Variants in MYOCD observed in about 807,000 individuals in gnomAD.
MYOCD encodes myocardin.
Under a neutral mutation model 96.1 loss-of-function variants are expected in MYOCD, and 32 were observed. The observed-to-expected ratio is 0.33, with a 90% CI of 0.25 to 0.45. The LOEUF is 0.45. Among genes scored for constraint, MYOCD ranks in the 20% least tolerant of loss-of-function variants. The pLI is 1.00. For missense variants in MYOCD, 1,133 were observed against 1,200.6 expected, an observed-to-expected ratio of 0.94 and a Z score of 0.83; for synonymous variants, 469 against 469.0, an observed-to-expected ratio of 1.00 and a Z score of 0.00.
intron 13 of MYOCD, chr17:12,762,353 A>C (rs933518803): frequency 5.2e-5 from 8 of 152,500 alleles, no homozygotes; most frequent in Admixed American, 3.3e-4. Context: ...CAAGGTACAT[A>C]ATAAGTGGCT....
intron 1 of MYOCD, among the ~76,000 whole-genome samples, chr17:12,691,925 T>C (rs1329087618): frequency 6.6e-6 from 1 of 152,244 alleles, no homozygotes; most frequent in Non-Finnish European, 1.5e-5. Context: ...ATGATTTATG[T>C]AAAACACTTC....
At chr17:12,676,350 C>T (rs1386230081) in intron 1 of MYOCD, among the ~76,000 whole-genome samples, 1 of 151,240 alleles carries the variant, frequency 6.6e-6, no homozygotes, top group African/African-American at 2.4e-5. Context: ...AGTTAAAAAA[C>T]TTTAATCCCA....
At chr17:12,672,422 A>G (rs2150628287) in intron 1 of MYOCD, among the ~76,000 whole-genome samples, 1 of 150,948 alleles carries the variant, frequency 6.6e-6, no homozygotes, top group East Asian at 2.0e-4. Context: ...GATAATGCTT[A>G]TATGTTTCAG....
chr17:12,698,943 C>T (rs1184554465), intron 1 of MYOCD, among the ~76,000 whole-genome samples: 4 of 151,460 alleles, frequency 2.6e-5, no homozygotes, highest in Admixed American at 1.3e-4. Context: ...GGGGTTTCAC[C>T]GTGTTAGCCA....
chr17:12,758,333 C>A, intron 12 of MYOCD, 120 bp downstream of exon 12: 1 of 1,442,132 alleles, frequency 6.9e-7, no homozygotes, highest in Non-Finnish European at 9.4e-7. Flanking sequence ...ATGTGCCATA[C>A]CACCAAAATA....
At chr17:12,755,918 A>G (rs1333107365) in intron 10 of MYOCD, among the ~76,000 whole-genome samples, 1 of 152,130 alleles carries the variant, frequency 6.6e-6, no homozygotes, top group Non-Finnish European at 1.5e-5. Flanking sequence ...ATAGGTTAAC[A>G]ATGACTGATC....
chr17:12,749,709 G>GTA (rs779103102), intron 9 of MYOCD, among the ~76,000 whole-genome samples: 1 of 139,224 alleles, frequency 7.2e-6, no homozygotes, highest in South Asian at 2.2e-4. Context: ...ATACATATGT[G>GTA]TATATATATG....
chr17:12,752,798 G>A lies in MYOCD; in HGVS notation c.1510G>A (p.Gly504Ser). The stretch of plus-strand genomic sequence containing the variant: ...AAGTCTCATGAGCAGCCTGAATGGG[G>A]GCTCTGTTCCTTCTGAGCTGGATGG... ...EESLMSSLNGGSVPSELDGLD... is the reference protein window; with the variant it reads ...EESLMSSLNGSSVPSELDGLD... The change falls in exon 10 of 14, where the codon GGC becomes AGC. Residue 504 changes from glycine to serine, a missense_variant. By Grantham distance (56) the Gly-to-Ser change is moderately conservative. Coordinates refer to ENST00000425538, the MANE Select transcript of MYOCD (RefSeq NM_001146312.3). The A allele has an allele frequency of 2.5e-6, 4 of 1,614,138 alleles. No homozygotes were observed. Among genetic ancestry groups the A allele is most frequent in the Non-Finnish European group, 3.4e-6 (4 of 1,180,018 alleles).
At chr17:12,760,463 T>G (rs1160809166) in intron 12 of MYOCD, 187 bp from the exon 13 acceptor site, 2 of 567,238 alleles carry the variant, frequency 3.5e-6, no homozygotes, top group Non-Finnish European at 6.4e-6. Flanking sequence ...ATGTACTTAA[T>G]GCCCCTTAAC....
intron 6 of MYOCD, among the ~76,000 whole-genome samples, chr17:12,737,444 C>A (rs936640229): frequency 6.6e-6 from 1 of 152,076 alleles, no homozygotes; most frequent in Admixed American, 6.5e-5. Context: ...TCTGTGAGGC[C>A]GAGCAACTGG....
chr17:12,676,332 CT>C (rs1484404444), intron 1 of MYOCD, among the ~76,000 whole-genome samples: 7 of 150,772 alleles, frequency 4.6e-5, no homozygotes. Flanking sequence ...AAAGAAATTT[CT>C]TTTAAAAGTT....
chr17:12,709,711 A>C (rs1208102126), intron 2 of MYOCD, among the ~76,000 whole-genome samples: 1 of 152,164 alleles, frequency 6.6e-6, no homozygotes, highest in Non-Finnish European at 1.5e-5. Context: ...AAATGGTTTC[A>C]CTATCCCACC....
intron 1 of MYOCD, among the ~76,000 whole-genome samples, chr17:12,669,918 T>A (rs2150625404): frequency 1.3e-5 from 2 of 152,248 alleles, no homozygotes; most frequent in South Asian, 4.1e-4. Context: ...CTCTTGAGAT[T>A]CTCTGGGTCC....
rs1217944367 is a variant in MYOCD, at chr17:12,766,544, T to G, written c.*2900T>G. The G allele has an allele frequency of 6.6e-6, 1 of 152,216 alleles. No homozygotes were observed. The highest frequency in any genetic ancestry group is 1.5e-5 in the Non-Finnish European group (1 of 68,044). 9.4% of individuals were successfully genotyped at this position (152,216 alleles called of 1,614,324 possible). A position where few individuals can be genotyped will look rare whatever the true frequency, so the allele number is the denominator to read the frequency against. ...AAACTGGAGATAATTGGGAGAAAAT[T>G]GATGAAGTTGGCTGCTTCCAGTAGA... is the stretch of plus-strand genomic sequence containing the variant. On this transcript the variant is annotated 3_prime_UTR_variant, in exon 14 of 14. Coordinates refer to ENST00000425538, the MANE Select transcript of MYOCD (RefSeq NM_001146312.3).
In MYOCD at chr17:12,753,184, G is replaced by C. The variant is rs1159281850; in HGVS notation, c.1896G>C (p.Gln632His). The part of the protein sequence containing the change: ...NVLSSTFLSP[Q>H]CSPQHSPLGA... The stretch of plus-strand genomic sequence containing the variant: ...TTTCTTCCACATTTCTCAGCCCCCA[G>C]TGTTCCCCTCAGCATTCACCGCTGG... Residue 632 changes from glutamine to histidine, a missense_variant, in exon 10 of 14, where the codon CAG (glutamine) becomes CAC (histidine). Gln to His is a conservative substitution (Grantham distance 24, BLOSUM62 0). Coordinates refer to ENST00000425538, the MANE Select transcript of MYOCD (RefSeq NM_001146312.3). 1 of 1,614,164 alleles carries C rather than the reference G, an allele frequency of 6.2e-7. No homozygotes were observed. The highest frequency in any genetic ancestry group is 1.3e-5 in the African/African-American group (1 of 75,038).
At chr17:12,702,527 A>G (rs2031119273) in intron 1 of MYOCD, among the ~76,000 whole-genome samples, 1 of 151,962 alleles carries the variant, frequency 6.6e-6, no homozygotes, top group Non-Finnish European at 1.5e-5. Context: ...GAGCATTTCA[A>G]CTATTAAAAT....
chr17:12,722,745 A>G, intron 4 of MYOCD, 102 bp from the exon 5 acceptor site: 1 of 923,682 alleles, frequency 1.1e-6, no homozygotes, highest in Non-Finnish European at 1.7e-6. Context: ...ATGGTAGAGC[A>G]CAATGTGACA....
chr17:12,764,955 G>A lies in MYOCD; in HGVS notation c.*1311G>A, dbSNP rs947102618. On this transcript the variant is annotated 3_prime_UTR_variant, in exon 14 of 14. Transcript: ENST00000425538. ...CAGTCACGAAGTTCTTTCTATTCTC[G>A]TTTAGTTTTCAAGAAATTATTGGTT... 2.0e-5 allele frequency: 3 copies of A among 152,074 alleles called. No homozygotes were observed. Among genetic ancestry groups the A allele is most frequent in the Admixed American group, 6.5e-5 (1 of 15,278 alleles). 9.4% of individuals were successfully genotyped at this position (152,074 alleles called of 1,614,324 possible). A position where few individuals can be genotyped will look rare whatever the true frequency, so the allele number is the denominator to read the frequency against.
At chr17:12,689,746 G>A (rs1211214953) in intron 1 of MYOCD, among the ~76,000 whole-genome samples, 2 of 152,044 alleles carry the variant, frequency 1.3e-5, no homozygotes, top group African/African-American at 2.4e-5. Flanking sequence ...CAGGAGAATC[G>A]CTTGAACCTG....
Sources: gnomAD v4.1 joint callset for allele counts (sites outside exome capture counted in the v4.1 genomes callset) on GRCh38, gnomAD v4.1.1 for gene constraint, MANE v1.5 for transcripts, NCBI Gene and HGNC (gene_info 2026-07-23, HGNC 2026-07-21) for gene names.